SCAPER: variants seen among roughly 807,000 people sequenced by gnomAD.
The protein encoded by SCAPER is S phase cyclin A-associated protein in the endoplasmic reticulum.
A neutral mutation model predicts 182.2 loss-of-function variants in SCAPER; 98 were observed. The ratio of observed to expected loss-of-function variants is 0.54; its 90% CI spans 0.46 to 0.64. The LOEUF is 0.64. Among genes scored for constraint, SCAPER ranks in the 30% least tolerant of loss-of-function variants. The pLI is 0.00. For missense variants in SCAPER, 1,432 were observed against 1,690.0 expected (o/e 0.85, Z 2.68); for synonymous variants, 605 against 564.6 (o/e 1.07, Z -1.01).
intron 5 of SCAPER, among the ~76,000 whole-genome samples, chr15:76,833,944 C>T (rs896557037): frequency 4.6e-5 from 7 of 152,064 alleles, no homozygotes; most frequent in Non-Finnish European, 7.4e-5. Flanking sequence ...AGTGTTAGAC[C>T]GATCAAGGTA....
intron 27 of SCAPER, among the ~76,000 whole-genome samples, chr15:76,393,889 C>T (rs530665494): frequency 6.6e-6 from 1 of 152,352 alleles, no homozygotes; most frequent in East Asian, 1.9e-4. Flanking sequence ...CAGCCAGCAT[C>T]TACCACAGAT....
rs59741618 is a variant in SCAPER, at chr15:76,366,086, TACACACACACACACAC to T, written c.3855+10060_3855+10075del. Reference sequence around the variant, plus strand: ...AAAGAGAACTGATTACTTACACACTTACACACACACACACACACACACACACACACACACACTACTG... The same window carrying T: ...AAAGAGAACTGATTACTTACACACTTACACACACACACACACACACTACTG... On this transcript the variant is annotated intron_variant, in intron 29 of 31. Coordinates refer to ENST00000563290, the MANE Select transcript of SCAPER (RefSeq NM_020843.4). Among the ~76,000 whole-genome samples, 652 of 149,302 alleles carry T rather than the reference TACACACACACACACAC, an allele frequency of 4.4e-3. 5 individuals are homozygous for T. The highest frequency in any genetic ancestry group is 6.7e-3 in the Non-Finnish European group (451 of 67,328).
intron 24 of SCAPER, among the ~76,000 whole-genome samples, chr15:76,481,598 A>G (rs1385740412): frequency 6.6e-6 from 1 of 152,248 alleles, no homozygotes; most frequent in Non-Finnish European, 1.5e-5. Flanking sequence ...TGTTATAAGG[A>G]AAACATCCTT....
chr15:76,462,232 T>C lies in SCAPER; in HGVS notation c.3078+8980A>G, dbSNP rs79835412. Among the ~76,000 whole-genome samples the C allele has an allele frequency of 1.3e-3, 193 of 152,312 alleles. 5 individuals are homozygous for C. The East Asian group carries it at 0.033, about 26-fold the overall frequency. On this transcript the variant is annotated intron_variant, in intron 25 of 31. Transcript: ENST00000563290. ...GGAAACTTACCCAACGCTGTTCCTT[T>C]CTTCCAAGTGACTATTCCCATCAGG...
chr15:76,360,025 TG>T lies in SCAPER; in HGVS notation c.3856-5886del, dbSNP rs371848801. Among the ~76,000 whole-genome samples the T allele has an allele frequency of 3.6e-4, 55 of 152,276 alleles. No homozygotes were observed. In the East Asian group the frequency reaches 9.5e-3, roughly 26 times the overall value. ...ACCTTAGGTCTGCACATTAAGTCCT[TG>T]AAGAATAGATTTTGTGATAAGCTGT... On this transcript the variant is annotated intron_variant, in intron 29 of 31. Coordinates refer to ENST00000563290, the MANE Select transcript of SCAPER (RefSeq NM_020843.4).
At chr15:76,461,041 T>C (rs1369008688) in intron 25 of SCAPER, among the ~76,000 whole-genome samples, 2 of 152,154 alleles carry the variant, frequency 1.3e-5, no homozygotes, top group East Asian at 3.8e-4. Flanking sequence ...GTCATACCTC[T>C]TTAGTCTCCT....
At chr15:76,464,735 C>A (rs1355642368) in intron 25 of SCAPER, among the ~76,000 whole-genome samples, 1 of 152,074 alleles carries the variant, frequency 6.6e-6, no homozygotes, top group African/African-American at 2.4e-5. Context: ...TATTCAAGAT[C>A]CCAATTTTAA....
At position 76,582,937 on chromosome 15, in the gene SCAPER, T is replaced by G. The variant is rs529098151; in HGVS notation, c.2712-8653A>C. Among the ~76,000 whole-genome samples the G allele has an allele frequency of 7.2e-5, 11 of 152,306 alleles. No individual in the cohort carries two copies. In the East Asian group the frequency reaches 2.1e-3, roughly 29 times the overall value. On this transcript the variant is annotated intron_variant, in intron 22 of 31. Coordinates refer to ENST00000563290, the MANE Select transcript of SCAPER (RefSeq NM_020843.4). ...AAAAGAATGAAACTGGTTCCCTATC[T>G]CTTGTCATATACAAAAGTCAAATCA...
intron 27 of SCAPER, among the ~76,000 whole-genome samples, chr15:76,401,815 A>G (rs558726470): frequency 6.6e-6 from 1 of 152,318 alleles, no homozygotes; most frequent in East Asian, 1.9e-4. Flanking sequence ...GAAGAGAAAC[A>G]GGGAAGGGAG....
chr15:76,387,628 A>G (rs2043372352), intron 27 of SCAPER, among the ~76,000 whole-genome samples: 1 of 152,230 alleles, frequency 6.6e-6, no homozygotes, highest in Non-Finnish European at 1.5e-5. Context: ...AGAAACCAGC[A>G]AAGGAAACTA....
chr15:76,440,906 G>GTTTT (rs1567143984), intron 25 of SCAPER, among the ~76,000 whole-genome samples: 16 of 112,124 alleles, frequency 1.4e-4, no homozygotes, highest in Non-Finnish European at 2.5e-4. Flanking sequence ...TTCCCCTTCT[G>GTTTT]GTTTTTTTTT....
chr15:76,680,784 G>A (rs1428837765), intron 20 of SCAPER, among the ~76,000 whole-genome samples: 2 of 152,096 alleles, frequency 1.3e-5, no homozygotes, highest in Non-Finnish European at 2.9e-5. Flanking sequence ...AGCACCCTGA[G>A]GACCTCACTA....
chr15:76,408,977 A>C (rs895324378), intron 26 of SCAPER, among the ~76,000 whole-genome samples: 1 of 152,132 alleles, frequency 6.6e-6, no homozygotes, highest in African/African-American at 2.4e-5. Flanking sequence ...AAACTGAAAC[A>C]ACCACTTGTT....
chr15:76,386,562 G>T (rs761124618), intron 27 of SCAPER, among the ~76,000 whole-genome samples: 14 of 152,198 alleles, frequency 9.2e-5, no homozygotes, highest in Non-Finnish European at 1.5e-4. Flanking sequence ...GAAGAAGTAG[G>T]AATGTGTGTG....
intron 21 of SCAPER, among the ~76,000 whole-genome samples, chr15:76,635,452 T>C (rs1040898796): frequency 6.6e-6 from 1 of 152,308 alleles, no homozygotes; most frequent in African/African-American, 2.4e-5. Context: ...TCCTCATGAA[T>C]GTTATAATGA....
chr15:76,768,866 T>G (rs62028735), intron 10 of SCAPER, among the ~76,000 whole-genome samples: 10,015 of 151,956 alleles, frequency 0.066, 372 homozygotes, highest in Middle Eastern at 0.11. Context: ...TCACATAAAG[T>G]TGTACACAAA....
intron 4 of SCAPER, among the ~76,000 whole-genome samples, chr15:76,848,961 G>A (rs2070430367): frequency 1.3e-5 from 2 of 152,104 alleles, no homozygotes; most frequent in African/African-American, 4.8e-5. Context: ...CCTGAGAAGA[G>A]GCTCCCAAAG....
chr15:76,668,482 T>C (rs1273039692), intron 20 of SCAPER, among the ~76,000 whole-genome samples: 1 of 152,200 alleles, frequency 6.6e-6, no homozygotes, highest in East Asian at 1.9e-4. Context: ...TAAAACTACA[T>C]CCACAGTGGT....
At chr15:76,855,405 A>C (rs1014663819) in intron 4 of SCAPER, among the ~76,000 whole-genome samples, 1 of 151,924 alleles carries the variant, frequency 6.6e-6, no homozygotes, top group African/African-American at 2.4e-5. Context: ...AATTGACACA[A>C]AAGCAAAATT....
Sources: gnomAD v4.1 joint callset for allele counts (sites outside exome capture counted in the v4.1 genomes callset) on GRCh38, gnomAD v4.1.1 for gene constraint, MANE v1.5 for transcripts, NCBI Gene and HGNC (gene_info 2026-07-23, HGNC 2026-07-21) for gene names.